The following PRICKLE2 variants were observed in gnomAD, a reference collection of about 807,000 sequenced individuals.
The protein encoded by PRICKLE2 is prickle planar cell polarity protein 2.
PRICKLE2 carries 21 observed loss-of-function variants against 81.4 expected under a neutral mutation model. That is an observed-to-expected ratio of 0.26 (90% CI 0.18 to 0.37). PRICKLE2 has a LOEUF of 0.37. PRICKLE2 is among the 10% of genes least tolerant of loss of function. The pLI is 1.00. For missense variants in PRICKLE2, 940 were observed against 1,109.0 expected, an observed-to-expected ratio of 0.85 and a Z score of 2.16; for synonymous variants, 456 against 421.5, an observed-to-expected ratio of 1.08 and a Z score of -1.00.
At chr3:64,258,482 T>C (rs936329716) in intron 2 of PRICKLE2, among the ~76,000 whole-genome samples, 1 of 152,132 alleles carries the variant, frequency 6.6e-6, no homozygotes, top group Non-Finnish European at 1.5e-5. Context: ...ACATATTGTA[T>C]AATTCCCTTT....
At chr3:64,111,394 C>T (rs1483380008) in intron 7 of PRICKLE2, among the ~76,000 whole-genome samples, 2 of 152,152 alleles carry the variant, frequency 1.3e-5, no homozygotes, top group Non-Finnish European at 2.9e-5. Context: ...CAAGGTCATA[C>T]AGAAGCTACT....
intron 5 of PRICKLE2, 69 bp downstream of exon 5, chr3:64,157,093 A>T: frequency 7.0e-7 from 1 of 1,423,702 alleles, no homozygotes. Flanking sequence ...GAAAGCCAGA[A>T]GACCATGTGT....
At chr3:64,179,651 G>C (rs2078092179) in intron 2 of PRICKLE2, among the ~76,000 whole-genome samples, 1 of 152,156 alleles carries the variant, frequency 6.6e-6, no homozygotes, top group Non-Finnish European at 1.5e-5. Context: ...ATGACCACGA[G>C]AGTGCTGCAA....
At chr3:64,236,471 T>A (rs982814088) in intron 2 of PRICKLE2, among the ~76,000 whole-genome samples, 2 of 152,140 alleles carry the variant, frequency 1.3e-5, no homozygotes, top group Non-Finnish European at 2.9e-5. Flanking sequence ...CACTGTCACA[T>A]CTGTGAATTT....
At chr3:64,113,468 C>CT (rs2106955958) in intron 7 of PRICKLE2, among the ~76,000 whole-genome samples, 1 of 152,286 alleles carries the variant, frequency 6.6e-6, no homozygotes, top group Non-Finnish European at 1.5e-5. Flanking sequence ...GCCAGTGAAC[C>CT]TTGCCTGACT....
rs2076526273 is a variant in PRICKLE2, at chr3:64,093,045, C to G, written c.*6006G>C. On this transcript the variant is annotated 3_prime_UTR_variant, in exon 8 of 8. Transcript: ENST00000638394. ...CCCCATTCCCTCCTCCCTTCAGTCCCTGACAACCAACCACTCTTCTACATT... is the reference window on the plus strand; with the variant it reads ...CCCCATTCCCTCCTCCCTTCAGTCCGTGACAACCAACCACTCTTCTACATT... 1 of 154,078 alleles carries G rather than the reference C, an allele frequency of 6.5e-6. No individual in the cohort carries two copies. Among genetic ancestry groups the G allele is most frequent in the Admixed American group, 6.5e-5 (1 of 15,488 alleles). 9.5% of individuals were successfully genotyped at this position (154,078 alleles called of 1,614,324 possible). A position where few individuals can be genotyped will look rare whatever the true frequency, so the allele number is the denominator to read the frequency against.
In PRICKLE2 at chr3:64,097,900, TC is replaced by T. The variant is rs2076594100; in HGVS notation, c.*1150del. The T allele has an allele frequency of 6.5e-6, 1 of 152,732 alleles. No homozygotes were observed. The allele number at this position is 152,732 out of a possible 1,614,324, so 9.5% of individuals were successfully genotyped here. On this transcript the variant is annotated 3_prime_UTR_variant, in exon 8 of 8. Transcript: ENST00000638394. ...GCCTTCTGTTTTCAAATAGCCTTGT[TC>T]CTTCTCCAGGCATGACATGTCACAC...
chr3:64,254,491 T>C (rs533763362), intron 2 of PRICKLE2, among the ~76,000 whole-genome samples: 2 of 152,294 alleles, frequency 1.3e-5, no homozygotes, highest in East Asian at 1.9e-4. Flanking sequence ...GTGATGGTGA[T>C]ATTTGGAAGG....
intron 1 of PRICKLE2, among the ~76,000 whole-genome samples, chr3:64,223,361 T>C (rs1357728744): frequency 6.6e-6 from 1 of 152,194 alleles, no homozygotes; most frequent in Admixed American, 6.5e-5. Context: ...ATGGGTAGCT[T>C]TAAGTATCTT....
chr3:64,261,895 T>C (rs1254929098), intron 2 of PRICKLE2, among the ~76,000 whole-genome samples: 2 of 152,176 alleles, frequency 1.3e-5, no homozygotes, highest in Admixed American at 6.5e-5. Flanking sequence ...CATGTTATGA[T>C]GTGATTTAAG....
chr3:64,177,292 C>T (rs2078042991), intron 2 of PRICKLE2, among the ~76,000 whole-genome samples: 1 of 151,714 alleles, frequency 6.6e-6, no homozygotes, highest in African/African-American at 2.4e-5. Flanking sequence ...CTCACCACCA[C>T]ACCCGGCTAG....
intron 1 of PRICKLE2, among the ~76,000 whole-genome samples, chr3:64,209,170 G>A (rs9827614): frequency 0.015 from 1,985 of 131,004 alleles, 31 homozygotes; most frequent in African/African-American, 0.051. Context: ...CCCATCTATC[G>A]ATCCATTCAT....
At chr3:64,159,522 T>C (rs1376112656) in intron 4 of PRICKLE2, among the ~76,000 whole-genome samples, 1 of 152,208 alleles carries the variant, frequency 6.6e-6, no homozygotes, top group Non-Finnish European at 1.5e-5. Context: ...TTGAACATAA[T>C]AGACACCCTC....
At chr3:64,199,014 T>A (rs754044967) in intron 1 of PRICKLE2, 47 bp from the exon 2 acceptor site, 2 of 1,581,356 alleles carry the variant, frequency 1.3e-6, no homozygotes, top group Non-Finnish European at 1.7e-6. Flanking sequence ...AAAACCTTTT[T>A]TTTTTTCCAA....
intron 7 of PRICKLE2, among the ~76,000 whole-genome samples, chr3:64,121,755 C>T (rs1294964917): frequency 2.0e-5 from 3 of 152,216 alleles, no homozygotes; most frequent in South Asian, 2.1e-4. Flanking sequence ...ACTCACCTTA[C>T]ACCTTAGTCA....
intron 2 of PRICKLE2, chr3:64,187,715 T>C (rs2078261357): frequency 6.6e-6 from 1 of 152,318 alleles, no homozygotes; most frequent in African/African-American, 2.4e-5. Context: ...AACCATTTTA[T>C]CATTCTTCTC....
At chr3:64,198,490 C>T (rs2078505337) in intron 2 of PRICKLE2, among the ~76,000 whole-genome samples, 1 of 152,042 alleles carries the variant, frequency 6.6e-6, no homozygotes, top group African/African-American at 2.4e-5. Context: ...CCAAGAAATA[C>T]AAGAGGCTGT....
At chr3:64,168,897 G>A (rs900264921) in intron 2 of PRICKLE2, among the ~76,000 whole-genome samples, 1 of 152,110 alleles carries the variant, frequency 6.6e-6, no homozygotes, top group African/African-American at 2.4e-5. Context: ...TGAACAGACA[G>A]TAAGTGAAAA....
intron 6 of PRICKLE2, among the ~76,000 whole-genome samples, chr3:64,150,332 T>C (rs367841793): frequency 5.9e-5 from 9 of 152,106 alleles, no homozygotes; most frequent in African/African-American, 2.2e-4. Context: ...TTTGTTTTGG[T>C]CTCCCCATCA....
Sources: gnomAD v4.1 joint callset for allele counts (sites outside exome capture counted in the v4.1 genomes callset) on GRCh38, gnomAD v4.1.1 for gene constraint, MANE v1.5 for transcripts, NCBI Gene and HGNC (gene_info 2026-07-23, HGNC 2026-07-21) for gene names.